Variants in ABI3BP observed in about 807,000 individuals in gnomAD.
ABI3BP encodes the protein target of Nesh-SH3.
ABI3BP carries 216 observed loss-of-function variants against 268.6 expected under a neutral mutation model. The ratio of observed to expected loss-of-function variants is 0.80; its 90% confidence interval spans 0.72 to 0.90. The LOEUF is 0.90. Ranked by LOEUF, ABI3BP falls within the 40% of genes least tolerant of loss-of-function variation. The pLI, the probability that ABI3BP is intolerant of heterozygous loss-of-function variation, is 0.00. For synonymous variants in ABI3BP, 730 were observed against 730.0 expected (o/e 1.00, Z 0.00); for missense variants, 2,090 against 2,182.4 (o/e 0.96, Z 0.84).
chr3:100,847,335 A>G (rs1020079768), intron 19 of ABI3BP, among the ~76,000 whole-genome samples: 12 of 152,218 alleles, frequency 7.9e-5, no homozygotes, highest in Admixed American at 5.9e-4. Context: ...AAATACAATG[A>G]CTGGATAGAT....
chr3:100,833,137 C>T lies in ABI3BP; in HGVS notation c.2302G>A (p.Gly768Arg), dbSNP rs1399881372. 2.6e-6 allele frequency: 4 copies of T among 1,534,598 alleles called. No homozygotes were observed. Among genetic ancestry groups the T allele is most frequent in the East Asian group, 4.9e-5 (2 of 40,814 alleles). ...AGAGAGTCATTACCTGAAGATGTCC[C>T]AGGAGTAATAGGTCCAAAGTCTGTA... ...TKLDFGPITPGTSSAPTTTTK... is the reference protein window; with the variant it reads ...TKLDFGPITPRTSSAPTTTTK... Residue 768 changes from glycine (G) to arginine (R), a missense_variant, in exon 30 of 68, where the codon GGG becomes AGG. By Grantham distance (125) the Gly-to-Arg change is moderately radical. Coordinates refer to ENST00000471714, the MANE Select transcript of ABI3BP (RefSeq NM_001375547.2).
rs575226331 is a variant in ABI3BP at position 100,991,118 on chromosome 3, C to A, written c.79+2188G>T. ...TCAAGTATGCTCTCTATAACAGGAC[C>A]CTGATGTTAAAATATTTGTGTATTT... On this transcript the variant is annotated intron_variant, in intron 1 of 67. Coordinates refer to ENST00000471714, the MANE Select transcript of ABI3BP (RefSeq NM_001375547.2). Among the ~76,000 whole-genome samples, 19 of 152,192 alleles carry A rather than the reference C, an allele frequency of 1.2e-4. No homozygotes were observed. The East Asian group carries it at 3.7e-3, about 29-fold the overall frequency.
intron 2 of ABI3BP, among the ~76,000 whole-genome samples, chr3:100,903,036 G>A (rs1320901602): frequency 2.6e-5 from 4 of 152,068 alleles, no homozygotes; most frequent in South Asian, 2.1e-4. Flanking sequence ...ATGCCTCAAG[G>A]AGAGCCAATC....
chr3:100,941,773 T>G (rs752099642), intron 1 of ABI3BP, among the ~76,000 whole-genome samples: 1 of 152,202 alleles, frequency 6.6e-6, no homozygotes, highest in African/African-American at 2.4e-5. Context: ...AACAGCCAAG[T>G]AGGAAAACTG....
intron 55 of ABI3BP, among the ~76,000 whole-genome samples, chr3:100,790,364 GCTTT>G (rs2097165392): frequency 6.6e-6 from 1 of 151,860 alleles, no homozygotes; most frequent in Admixed American, 6.6e-5. Context: ...CCTGCCACCA[GCTTT>G]CTTGGTAATG....
At chr3:100,949,064 C>T (rs959656808) in intron 1 of ABI3BP, among the ~76,000 whole-genome samples, 7 of 152,096 alleles carry the variant, frequency 4.6e-5, no homozygotes, top group Admixed American at 1.3e-4. Flanking sequence ...TAAGGTTATA[C>T]TCCAAGTGCT....
In ABI3BP at chr3:100,798,686, G is replaced by T. The variant is rs377179988; in HGVS notation, c.3758-2218C>A. Among the ~76,000 whole-genome samples, 4 of 152,232 alleles carry T rather than the reference G, an allele frequency of 2.6e-5. 1 individual carries two copies. The East Asian group carries it at 7.7e-4, about 29-fold the overall frequency. ...ACACAAGTAGGAATGCACAATGTCT[G>T]TCATAGATAAACGTAAATGAATGTG... On this transcript the variant is annotated intron_variant, in intron 51 of 67. Coordinates refer to ENST00000471714, the MANE Select transcript of ABI3BP (RefSeq NM_001375547.2).
intron 2 of ABI3BP, among the ~76,000 whole-genome samples, chr3:100,919,360 CTT>C (rs2059590493): frequency 6.6e-6 from 1 of 151,990 alleles, no homozygotes; most frequent in Non-Finnish European, 1.5e-5. Context: ...TTATTAAACA[CTT>C]TTATGATAGA....
At chr3:100,800,726 G>T (rs2097510796) in intron 51 of ABI3BP, among the ~76,000 whole-genome samples, 1 of 152,012 alleles carries the variant, frequency 6.6e-6, no homozygotes. Flanking sequence ...TGATCCTCCC[G>T]CCTCAGCCTC....
At chr3:100,956,972 A>C (rs2077046146) in intron 1 of ABI3BP, among the ~76,000 whole-genome samples, 2 of 152,218 alleles carry the variant, frequency 1.3e-5, no homozygotes, top group South Asian at 2.1e-4. Flanking sequence ...CTTAGAGGAC[A>C]CTGACGGAGT....
Position 100,768,763 on chromosome 3 carries a change from A to C in ABI3BP, c.4741+1980T>G, listed in dbSNP as rs187679767. ...ACAGTCTAATTTTATACACAAGTTG[A>C]GTATCTAAAATAAAGCTGGTCTGGG... On this transcript the variant is annotated intron_variant, in intron 62 of 67. Coordinates refer to ENST00000471714, the MANE Select transcript of ABI3BP (RefSeq NM_001375547.2). Among the ~76,000 whole-genome samples, 517 of 152,360 alleles carry C rather than the reference A, an allele frequency of 3.4e-3. 5 individuals are homozygous for C. The highest frequency in any genetic ancestry group is 5.0e-3 in the Non-Finnish European group (337 of 68,040).
chr3:100,908,889 C>A (rs566207856), intron 2 of ABI3BP, among the ~76,000 whole-genome samples: 1 of 152,164 alleles, frequency 6.6e-6, no homozygotes, highest in African/African-American at 2.4e-5. Context: ...ACTTTCTTCA[C>A]GGAATTGGAA....
chr3:100,810,669 G>A (rs561643218), intron 48 of ABI3BP, among the ~76,000 whole-genome samples, 192 bp from the exon 49 acceptor site: 3 of 152,136 alleles, frequency 2.0e-5, no homozygotes, highest in Middle Eastern at 3.4e-3. Flanking sequence ...AGCTTACAAA[G>A]TACTTCTAAA....
At chr3:100,822,846 C>A (rs1267827761) in intron 37 of ABI3BP, among the ~76,000 whole-genome samples, 174 bp from the exon 38 acceptor site, 1 of 151,950 alleles carries the variant, frequency 6.6e-6, no homozygotes, top group Non-Finnish European at 1.5e-5. Context: ...CTCCTTAAGA[C>A]AAAAATCACT....
At chr3:100,754,550 A>G in intron 64 of ABI3BP, 62 bp downstream of exon 64, 1 of 1,472,414 alleles carries the variant, frequency 6.8e-7, no homozygotes, top group Non-Finnish European at 9.3e-7. Flanking sequence ...CTTCCTACGC[A>G]AAACATTGCT....
intron 2 of ABI3BP, chr3:100,911,478 C>T (rs2056440917): frequency 2.5e-6 from 1 of 403,556 alleles, no homozygotes; most frequent in Non-Finnish European, 4.6e-6. Context: ...TTATTTATTG[C>T]TTGTTCATTG....
intron 34 of ABI3BP, 138 bp from the exon 35 acceptor site, chr3:100,825,982 A>G: frequency 1.5e-6 from 1 of 677,358 alleles, no homozygotes; most frequent in South Asian, 1.7e-5. Context: ...GGACTGAATT[A>G]TATTTCCACC....
rs778868006 is a variant in ABI3BP, at chr3:100,813,731, CAG to C, written c.3292_3293del (p.Leu1098AspfsTer2). 15 of 1,535,020 alleles carry C rather than the reference CAG, an allele frequency of 9.8e-6. No individual in the cohort carries two copies. Among genetic ancestry groups the C allele is most frequent in the Non-Finnish European group, 1.2e-5 (14 of 1,146,192 alleles). On this transcript the variant is annotated frameshift_variant and splice_region_variant, in exon 45 of 68. Transcript: ENST00000471714. LOFTEE classifies it high-confidence loss of function. ...TCAAAATAAGAGTTTGCAGTTCAGT[CAG>C]AGCTGAAAGAAGAGGGTCTCAATTG... The part of the protein sequence containing the change: ...STDAPGTTFA[L>X]TELQTLILKP...
At chr3:100,964,222 C>T (rs1350997723) in intron 1 of ABI3BP, among the ~76,000 whole-genome samples, 1 of 152,000 alleles carries the variant, frequency 6.6e-6, no homozygotes, top group African/African-American at 2.4e-5. Context: ...CTTTGTCAGC[C>T]ACTTGTATGG....
Sources: gnomAD v4.1 joint callset for allele counts (sites outside exome capture counted in the v4.1 genomes callset) on GRCh38, gnomAD v4.1.1 for gene constraint, MANE v1.5 for transcripts, NCBI Gene and HGNC (gene_info 2026-07-23, HGNC 2026-07-21) for gene names.